Variants in BRINP3 observed in about 807,000 individuals in gnomAD.
The protein encoded by BRINP3 is BMP/retinoic acid inducible neural specific 3, also known as BMP/retinoic acid-inducible neural-specific protein 3.
In BRINP3, 19 loss-of-function variants were observed where a neutral mutation model predicts 71.0. That is an observed-to-expected ratio of 0.27 (90% CI 0.19 to 0.39). BRINP3 has a LOEUF of 0.39. Among genes scored for constraint, BRINP3 ranks in the 10% least tolerant of loss-of-function variants. The pLI is 1.00. For synonymous variants in BRINP3, 380 were observed against 337.7 expected, an observed-to-expected ratio of 1.13 and a Z score of -1.37; for missense variants, 959 against 940.8, an observed-to-expected ratio of 1.02 and a Z score of -0.25.
chr1:190,363,063 C>T (rs997101866), intron 2 of BRINP3, among the ~76,000 whole-genome samples: 9 of 152,070 alleles, frequency 5.9e-5, no homozygotes, highest in African/African-American at 2.2e-4. Context: ...CCCAACCTAA[C>T]CAGGGAATCC....
chr1:190,170,674 A>G (rs1187499099), intron 6 of BRINP3, among the ~76,000 whole-genome samples: 1 of 152,208 alleles, frequency 6.6e-6, no homozygotes, highest in Non-Finnish European at 1.5e-5. Context: ...ATGTAGATAC[A>G]TTTCTTAACT....
At chr1:190,126,015 T>C (rs879372233) in intron 7 of BRINP3, among the ~76,000 whole-genome samples, 1 of 151,876 alleles carries the variant, frequency 6.6e-6, no homozygotes, top group Non-Finnish European at 1.5e-5. Context: ...GTGTGAAAAA[T>C]ACTCGTATCC....
chr1:190,400,327 T>C (rs921926454), intron 2 of BRINP3, among the ~76,000 whole-genome samples: 4 of 152,102 alleles, frequency 2.6e-5, no homozygotes, highest in African/African-American at 4.8e-5. Context: ...CAAAACAATA[T>C]TGAAATAGTA....
At chr1:190,326,227 A>G (rs143555307) in intron 2 of BRINP3, among the ~76,000 whole-genome samples, 2,049 of 152,258 alleles carry the variant, frequency 0.013, 51 homozygotes, top group African/African-American at 0.046. Flanking sequence ...CCAGTCAGAC[A>G]AAAATAAAGA....
chr1:190,236,705 GT>G (rs1321618974), intron 4 of BRINP3, among the ~76,000 whole-genome samples: 1 of 151,902 alleles, frequency 6.6e-6, no homozygotes, highest in Non-Finnish European at 1.5e-5. Flanking sequence ...AATGTATAGT[GT>G]TGATATGATA....
chr1:190,311,822 G>A (rs1394592438), intron 2 of BRINP3, among the ~76,000 whole-genome samples: 2 of 150,280 alleles, frequency 1.3e-5, no homozygotes, highest in Admixed American at 6.7e-5. Flanking sequence ...TAAAACAATC[G>A]TAAAGTCTAT....
chr1:190,321,537 T>A (rs1030187791), intron 2 of BRINP3, among the ~76,000 whole-genome samples: 2 of 152,124 alleles, frequency 1.3e-5, no homozygotes, highest in Non-Finnish European at 2.9e-5. Context: ...ATGTAATAAA[T>A]GTTTTATTAA....
intron 2 of BRINP3, among the ~76,000 whole-genome samples, chr1:190,350,117 C>A (rs917008356): frequency 4.6e-5 from 7 of 151,990 alleles, no homozygotes; most frequent in African/African-American, 1.7e-4. Flanking sequence ...AAAACCACGC[C>A]CTTGGTCAAA....
At chr1:190,393,307 C>T (rs548459112) in intron 2 of BRINP3, among the ~76,000 whole-genome samples, 2 of 151,692 alleles carry the variant, frequency 1.3e-5, no homozygotes, top group East Asian at 1.9e-4. Flanking sequence ...TGAGAGGAAT[C>T]GGGTATTACT....
In BRINP3 at chr1:190,334,337, G is replaced by C. The variant is rs189419839; in HGVS notation, c.237-52587C>G. 1.5e-3 allele frequency among the ~76,000 whole-genome samples: 221 copies of C among 151,786 alleles called. 1 individual carries two copies. Among genetic ancestry groups the C allele is most frequent in the African/African-American group, 4.9e-3 (205 of 41,470 alleles). On this transcript the variant is annotated intron_variant, in intron 2 of 7. Transcript: ENST00000367462. Reference sequence around the variant, plus strand: ...AATATGTGAATAATTATTTCCTTTGGTTTCCCATCATAATGTGGAATTTTG... The same window carrying C: ...AATATGTGAATAATTATTTCCTTTGCTTTCCCATCATAATGTGGAATTTTG...
rs146386901 is a variant in BRINP3 at position 190,376,738 on chromosome 1, C to A, written c.236+77917G>T. On this transcript the variant is annotated intron_variant, in intron 2 of 7. Transcript: ENST00000367462. The stretch of plus-strand genomic sequence containing the variant: ...TTGATAGTGAATCTATTTCGTTGAA[C>A]CTTTGACATAATCAAATCCTTCTAA... 2.9e-4 allele frequency among the ~76,000 whole-genome samples: 44 copies of A among 152,100 alleles called. 1 individual carries two copies. The East Asian group carries it at 7.1e-3, about 25-fold the overall frequency.
chr1:190,125,245 G>T (rs1007412546), intron 7 of BRINP3, among the ~76,000 whole-genome samples: 8 of 151,532 alleles, frequency 5.3e-5, no homozygotes, highest in African/African-American at 1.7e-4. Flanking sequence ...TTCTAAAGAG[G>T]TAATAGTGAA....
At chr1:190,443,331 GGA>G (rs1674963684) in intron 2 of BRINP3, among the ~76,000 whole-genome samples, 1 of 151,340 alleles carries the variant, frequency 6.6e-6, no homozygotes, top group Non-Finnish European at 1.5e-5. Context: ...CGTGAACCAG[GGA>G]GGCGGAGCTT....
At chr1:190,298,328 T>G (rs1425847922) in intron 2 of BRINP3, among the ~76,000 whole-genome samples, 2 of 152,142 alleles carry the variant, frequency 1.3e-5, no homozygotes, top group East Asian at 3.8e-4. Flanking sequence ...TTCTCTTTTT[T>G]CAACTTCATT....
intron 4 of BRINP3, among the ~76,000 whole-genome samples, chr1:190,257,869 G>T (rs772796684): frequency 1.4e-4 from 21 of 152,102 alleles, no homozygotes; most frequent in Non-Finnish European, 2.9e-4. Flanking sequence ...TCCCAGAGGG[G>T]CACCCACCTG....
At chr1:190,471,935 TAATC>T (rs1309579133) in intron 1 of BRINP3, among the ~76,000 whole-genome samples, 1 of 151,484 alleles carries the variant, frequency 6.6e-6, no homozygotes, top group Non-Finnish European at 1.5e-5. Context: ...CTGTTATACT[TAATC>T]AATATCAAAT....
intron 6 of BRINP3, among the ~76,000 whole-genome samples, chr1:190,176,198 A>G (rs1203590378): frequency 6.6e-6 from 1 of 152,138 alleles, no homozygotes; most frequent in African/African-American, 2.4e-5. Flanking sequence ...GTTGCACATA[A>G]AGAACATACT....
chr1:190,474,914 T>A (rs1275529219), intron 1 of BRINP3: 1 of 152,022 alleles, frequency 6.6e-6, no homozygotes, highest in African/African-American at 2.4e-5. Flanking sequence ...GTCCCAGATC[T>A]TCCTACTTCC....
chr1:190,325,769 C>T (rs537742074), intron 2 of BRINP3, among the ~76,000 whole-genome samples: 2 of 152,126 alleles, frequency 1.3e-5, no homozygotes, highest in Admixed American at 6.5e-5. Flanking sequence ...TTGCACTGCC[C>T]TTATCCAAAA....
Sources: gnomAD v4.1 joint callset for allele counts (sites outside exome capture counted in the v4.1 genomes callset) on GRCh38, gnomAD v4.1.1 for gene constraint, MANE v1.5 for transcripts, NCBI Gene and HGNC (gene_info 2026-07-23, HGNC 2026-07-21) for gene names.